Variants in PGM2L1 observed in about 807,000 individuals in gnomAD.
The protein encoded by PGM2L1 is glucose 1,6-bisphosphate synthase.
PGM2L1 carries 35 observed loss-of-function variants against 73.4 expected under a neutral mutation model. That is an observed-to-expected ratio of 0.48 (90% CI 0.36 to 0.63). The LOEUF is 0.63. PGM2L1 is among the 30% of genes least tolerant of loss of function. PGM2L1 has a pLI of 0.00. For missense variants in PGM2L1, 570 were observed against 742.0 expected (o/e 0.77, Z 2.69); for synonymous variants, 225 against 253.8 (o/e 0.89, Z 1.08).
intron 1 of PGM2L1, among the ~76,000 whole-genome samples, chr11:74,392,031 G>C (rs2134956610): frequency 6.6e-6 from 1 of 152,312 alleles, no homozygotes; most frequent in African/African-American, 2.4e-5. Context: ...AGAGAATAGT[G>C]AGTGAATTCC....
chr11:74,364,801 A>G (rs891725009), intron 5 of PGM2L1, among the ~76,000 whole-genome samples: 2 of 152,218 alleles, frequency 1.3e-5, no homozygotes, highest in Admixed American at 6.5e-5. Context: ...AAGGTAATTT[A>G]TAGATTCAAT....
Position 74,396,410 on chromosome 11 carries a change from T to TTTTTC in PGM2L1, c.111+1636_111+1640dup, listed in dbSNP as rs1192002789. On this transcript the variant is annotated intron_variant, in intron 1 of 13. Transcript: ENST00000298198. ...GTATCACCTGAAAATTCATTCTTTT[T>TTTTTC]TTTTCTTTTCTTTTCTTTTTTTGAG... Among the ~76,000 whole-genome samples, 5 of 151,922 alleles carry TTTTTC rather than the reference T, an allele frequency of 3.3e-5. No individual in the cohort carries two copies. The South Asian group carries it at 1.0e-3, about 31-fold the overall frequency.
intron 5 of PGM2L1, 120 bp from the exon 6 acceptor site, chr11:74,351,696 C>A: frequency 1.2e-6 from 1 of 855,482 alleles, no homozygotes; most frequent in South Asian, 1.9e-5. Flanking sequence ...GGCACGGTGG[C>A]TCACGCCTGT....
chr11:74,376,739 G>A lies in PGM2L1; in HGVS notation c.112-2157C>T, dbSNP rs192121042. On this transcript the variant is annotated intron_variant, in intron 1 of 13. Transcript: ENST00000298198. ...CCTAAAAATTCCATTCCCAGTTACA[G>A]ACTTCACAACCAGTACTAACCTAAT... Among the ~76,000 whole-genome samples, 172 of 152,074 alleles carry A rather than the reference G, an allele frequency of 1.1e-3. 1 individual carries two copies. The highest frequency in any genetic ancestry group is 6.3e-3 in the Admixed American group (97 of 15,278).
chr11:74,379,382 T>C lies in PGM2L1; in HGVS notation c.112-4800A>G, dbSNP rs114535385. Among the ~76,000 whole-genome samples, 206 of 152,080 alleles carry C rather than the reference T, an allele frequency of 1.4e-3. 1 individual carries two copies. Among genetic ancestry groups the C allele is most frequent in the African/African-American group, 4.7e-3 (195 of 41,496 alleles). ...GCCTCCCACCAGGACCCACCTCCAATATTGGAGGTCACATTTCAACATGAG... is the reference window on the plus strand; with the variant it reads ...GCCTCCCACCAGGACCCACCTCCAACATTGGAGGTCACATTTCAACATGAG... On this transcript the variant is annotated intron_variant, in intron 1 of 13. Coordinates refer to ENST00000298198, the MANE Select transcript of PGM2L1 (RefSeq NM_173582.6).
intron 1 of PGM2L1, among the ~76,000 whole-genome samples, chr11:74,394,017 T>C (rs977278530): frequency 2.0e-5 from 3 of 151,642 alleles, no homozygotes; most frequent in Non-Finnish European, 2.9e-5. Flanking sequence ...GACTTAGCCC[T>C]AGAGCATAGA....
chr11:74,383,453 T>G (rs59325091), intron 1 of PGM2L1, among the ~76,000 whole-genome samples: 5,557 of 152,300 alleles, frequency 0.036, 113 homozygotes, highest in Middle Eastern at 0.092. Flanking sequence ...TCTTATTTAT[T>G]TAAAATTTTA....
At chr11:74,387,808 C>A (rs909112384) in intron 1 of PGM2L1, among the ~76,000 whole-genome samples, 39 of 152,088 alleles carry the variant, frequency 2.6e-4, no homozygotes, top group African/African-American at 9.2e-4. Flanking sequence ...ATTACAGTAA[C>A]ACATTTCTCT....
At chr11:74,351,358 T>C in intron 6 of PGM2L1, 25 bp downstream of exon 6, 1 of 1,576,754 alleles carries the variant, frequency 6.3e-7, no homozygotes, top group East Asian at 2.2e-5. Flanking sequence ...TGAAGTAGTA[T>C]TATCTGATAT....
chr11:74,382,896 A>C (rs1311813492), intron 1 of PGM2L1, among the ~76,000 whole-genome samples: 1 of 152,244 alleles, frequency 6.6e-6, no homozygotes, highest in Non-Finnish European at 1.5e-5. Flanking sequence ...AAAGTCACAC[A>C]ATAAGAAGAG....
Position 74,336,469 on chromosome 11 carries a change from A to G in PGM2L1, c.*183T>C, listed in dbSNP as rs757581205. Reference sequence around the variant, plus strand: ...AATTTGAATCATTTCCCTCTAGACCATTTCATTTCAAACTTATACTTTGTT... The same window carrying G: ...AATTTGAATCATTTCCCTCTAGACCGTTTCATTTCAAACTTATACTTTGTT... On this transcript the variant is annotated 3_prime_UTR_variant, in exon 14 of 14. Transcript: ENST00000298198. 2.5e-6 allele frequency: 1 copy of G among 394,386 alleles called. No individual in the cohort carries two copies. Among genetic ancestry groups the G allele is most frequent in the Non-Finnish European group, 4.5e-6 (1 of 221,370 alleles). The allele number at this position is 394,386 out of a possible 1,614,324, so 24.4% of individuals were successfully genotyped here.
intron 1 of PGM2L1, among the ~76,000 whole-genome samples, chr11:74,377,605 C>T (rs1463368146): frequency 2.0e-5 from 3 of 152,072 alleles, no homozygotes; most frequent in Admixed American, 2.0e-4. Flanking sequence ...GTGATTACCT[C>T]TGAAGGGGAT....
At chr11:74,385,755 A>G (rs900499545) in intron 1 of PGM2L1, among the ~76,000 whole-genome samples, 1 of 152,144 alleles carries the variant, frequency 6.6e-6, no homozygotes, top group Non-Finnish European at 1.5e-5. Flanking sequence ...ATCAGCATAA[A>G]AACCACCAAG....
At chr11:74,345,350 A>G (rs960731322) in intron 9 of PGM2L1, 119 bp downstream of exon 9, 1 of 1,004,172 alleles carries the variant, frequency 1.0e-6, no homozygotes, top group Non-Finnish European at 1.4e-6. Context: ...GTGTTAACAG[A>G]ATTAGAAAAA....
At chr11:74,371,474 T>C (rs1410605920) in intron 3 of PGM2L1, among the ~76,000 whole-genome samples, 1 of 152,222 alleles carries the variant, frequency 6.6e-6, no homozygotes, top group African/African-American at 2.4e-5. Flanking sequence ...TTATAAGCTA[T>C]GATGTCATTC....
Position 74,346,850 on chromosome 11 carries a change from G to A in PGM2L1, c.940-21C>T, listed in dbSNP as rs751354031. 5 of 1,571,446 alleles carry A rather than the reference G, an allele frequency of 3.2e-6. No individual in the cohort carries two copies. In the African/African-American group the frequency reaches 4.1e-5, roughly 13 times the overall value. ...AGTTCCTGAAACAGTGACCCAAAAA[G>A]CTGGATTGTACTGAAGAACCTAAGT... On this transcript the variant is annotated intron_variant, in intron 7 of 13. Transcript: ENST00000298198.
At chr11:74,365,598 G>A (rs1437319815) in intron 5 of PGM2L1, among the ~76,000 whole-genome samples, 1 of 152,136 alleles carries the variant, frequency 6.6e-6, no homozygotes, top group Non-Finnish European at 1.5e-5. Flanking sequence ...GCAGCCAACA[G>A]ACACATGAAA....
chr11:74,386,851 G>T (rs1433314965), intron 1 of PGM2L1, among the ~76,000 whole-genome samples: 2 of 152,094 alleles, frequency 1.3e-5, no homozygotes, highest in Non-Finnish European at 2.9e-5. Flanking sequence ...CAAAACCCTA[G>T]TATTCCTAGA....
chr11:74,385,939 A>C (rs2134949184), intron 1 of PGM2L1, among the ~76,000 whole-genome samples: 1 of 152,320 alleles, frequency 6.6e-6, no homozygotes, highest in East Asian at 1.9e-4. Context: ...AATTATATGC[A>C]AAATGATGCT....
Sources: gnomAD v4.1 joint callset for allele counts (sites outside exome capture counted in the v4.1 genomes callset) on GRCh38, gnomAD v4.1.1 for gene constraint, MANE v1.5 for transcripts, NCBI Gene and HGNC (gene_info 2026-07-23, HGNC 2026-07-21) for gene names.